GLT1D1: variants seen among roughly 807,000 people sequenced by gnomAD.
GLT1D1 encodes glycosyltransferase 1 domain-containing protein 1.
GLT1D1 carries 21 observed loss-of-function variants against 28.7 expected under a neutral mutation model. The observed-to-expected ratio is 0.73, with a 90% CI of 0.52 to 1.05. The LOEUF is 1.05. Among genes scored for constraint, GLT1D1 ranks in the 50% least tolerant of loss-of-function variants. The pLI is 0.00. For missense variants in GLT1D1, 343 were observed against 330.6 expected, an observed-to-expected ratio of 1.04 and a Z score of -0.29; for synonymous variants, 147 against 124.8, an observed-to-expected ratio of 1.18 and a Z score of -1.19.
chr12:128,857,709 C>G (rs1480428498), intron 1 of GLT1D1, among the ~76,000 whole-genome samples: 1 of 152,066 alleles, frequency 6.6e-6, no homozygotes, highest in African/African-American at 2.4e-5. Flanking sequence ...AAGGAGTTCC[C>G]CAAATACGTA....
chr12:128,974,498 T>C (rs1264539752), intron 7 of GLT1D1, among the ~76,000 whole-genome samples: 1 of 152,168 alleles, frequency 6.6e-6, no homozygotes, highest in Non-Finnish European at 1.5e-5. Flanking sequence ...ACAGCTGTCC[T>C]TTGACCAGCA....
intron 1 of GLT1D1, among the ~76,000 whole-genome samples, chr12:128,856,033 T>C (rs1397775285): frequency 6.6e-6 from 1 of 152,226 alleles, no homozygotes; most frequent in Non-Finnish European, 1.5e-5. Flanking sequence ...ATTACAGGCA[T>C]GAGCAACTTC....
rs1424417885 is a variant in GLT1D1, at chr12:128,881,574, A to G, written c.217+5512A>G. Among the ~76,000 whole-genome samples the G allele has an allele frequency of 2.1e-4, 23 of 109,272 alleles. No individual in the cohort carries two copies. In the East Asian group the frequency reaches 5.2e-3, roughly 25 times the overall value. 71.7% of individuals were successfully genotyped at this position (109,272 alleles called of 152,430 possible). Reference sequence around the variant, plus strand: ...AAAAAAAAAAAAAATATATATATATATATATATATATATATATATAAAATT... The same window carrying G: ...AAAAAAAAAAAAAATATATATATATGTATATATATATATATATATAAAATT... On this transcript the variant is annotated intron_variant, in intron 2 of 7. Coordinates refer to ENST00000281703, the MANE Select transcript of GLT1D1 (RefSeq NM_144669.3).
At chr12:128,908,511 C>T (rs1160271023) in intron 4 of GLT1D1, among the ~76,000 whole-genome samples, 2 of 149,088 alleles carry the variant, frequency 1.3e-5, no homozygotes, top group Admixed American at 6.8e-5. Context: ...TTCCATCCTT[C>T]CTTCTTTCTT....
intron 6 of GLT1D1, among the ~76,000 whole-genome samples, chr12:128,954,128 T>C (rs1877016009): frequency 6.6e-6 from 1 of 150,598 alleles, no homozygotes; most frequent in Non-Finnish European, 1.5e-5. Context: ...TTTTTGTTTT[T>C]GTTTTTGTTT....
chr12:128,919,992 C>CTCTCTCT (rs1566133496), intron 4 of GLT1D1, among the ~76,000 whole-genome samples: 6 of 22,000 alleles, frequency 2.7e-4, no homozygotes, highest in African/African-American at 1.0e-3. Flanking sequence ...TCTCTCTCTC[C>CTCTCTCT]CCCTCCATCT....
At chr12:128,913,917 A>G (rs1871816414) in intron 4 of GLT1D1, among the ~76,000 whole-genome samples, 1 of 152,224 alleles carries the variant, frequency 6.6e-6, no homozygotes, top group Non-Finnish European at 1.5e-5. Flanking sequence ...TTTAAGGGTT[A>G]CAGTGGAGTA....
At chr12:128,874,120 C>CTTCCTTTCTT (rs1555261630) in intron 1 of GLT1D1, among the ~76,000 whole-genome samples, 1 of 52,782 alleles carries the variant, frequency 1.9e-5, no homozygotes, top group African/African-American at 8.8e-5. Context: ...CTCTCTCTCT[C>CTTCCTTTCTT]TCTCTCTTTC....
At chr12:128,908,334 C>T (rs1833320317) in intron 4 of GLT1D1, among the ~76,000 whole-genome samples, 1 of 144,732 alleles carries the variant, frequency 6.9e-6, no homozygotes, top group Admixed American at 7.1e-5. Flanking sequence ...TTCTTTCTTT[C>T]TTTCTTTCTT....
intron 1 of GLT1D1, among the ~76,000 whole-genome samples, chr12:128,866,952 C>T (rs1438484479): frequency 1.3e-5 from 2 of 152,054 alleles, no homozygotes; most frequent in Non-Finnish European, 1.5e-5. Context: ...CGGGAACTCC[C>T]CTGCCCACCC....
At chr12:128,950,895 G>A (rs143074745) in intron 6 of GLT1D1, among the ~76,000 whole-genome samples, 101 of 152,266 alleles carry the variant, frequency 6.6e-4, no homozygotes, top group African/African-American at 2.3e-3. Flanking sequence ...TGTGGGGAGT[G>A]GGGAGATGTT....
intron 1 of GLT1D1, among the ~76,000 whole-genome samples, chr12:128,856,360 A>G (rs761563419): frequency 7.9e-5 from 12 of 152,138 alleles, no homozygotes; most frequent in Non-Finnish European, 1.2e-4. Flanking sequence ...ACCATCTGTG[A>G]TTGCAGCCCA....
At chr12:128,957,105 T>A (rs1225339060) in intron 6 of GLT1D1, among the ~76,000 whole-genome samples, 4 of 152,254 alleles carry the variant, frequency 2.6e-5, no homozygotes, top group Non-Finnish European at 5.9e-5. Flanking sequence ...ATTTTCCTTT[T>A]ACTTTTGTCT....
rs886702013 is a variant in GLT1D1, at chr12:128,893,205, A to G, written c.323+4461A>G. On this transcript the variant is annotated intron_variant, in intron 3 of 7. Coordinates refer to ENST00000281703, the MANE Select transcript of GLT1D1 (RefSeq NM_144669.3). ...GGTTGAAGTGAGCTGAGATCTCGCC[A>G]TTGCACTGCAGCCTGGGTGAAAGAG... 1.2e-4 allele frequency among the ~76,000 whole-genome samples: 19 copies of G among 152,326 alleles called. 1 individual carries two copies. The highest frequency in any genetic ancestry group is 6.8e-3 in the Middle Eastern group (2 of 294).
intron 3 of GLT1D1, among the ~76,000 whole-genome samples, chr12:128,898,620 A>C (rs879733470): frequency 4.6e-5 from 7 of 152,246 alleles, no homozygotes; most frequent in Non-Finnish European, 1.0e-4. Flanking sequence ...TTTGGTAAAA[A>C]TGGACGTTTT....
At chr12:128,952,268 G>A (rs1481548781) in intron 6 of GLT1D1, among the ~76,000 whole-genome samples, 3 of 151,822 alleles carry the variant, frequency 2.0e-5, no homozygotes, top group Admixed American at 6.6e-5. Flanking sequence ...AGTGGGTGGC[G>A]GGGATGTGCT....
Position 128,874,082 on chromosome 12 carries a change from TTCTTTCTTTCTTTCTTTC to T in GLT1D1, c.69-1828_69-1811del, listed in dbSNP as rs1180129987. 2.7e-4 allele frequency among the ~76,000 whole-genome samples: 4 copies of T among 14,778 alleles called. No individual in the cohort carries two copies. The Admixed American group carries it at 3.9e-3, about 14-fold the overall frequency. The allele number at this position is 14,778 out of a possible 152,430, so 9.7% of individuals were successfully genotyped here. ...CTCCTTTCTTTCTTTCTTTCTTTCT[TTCTTTCTTTCTTTCTTTC>T]TCTCTCTCTCTCTCTCTCTCTCTCT... On this transcript the variant is annotated intron_variant, in intron 1 of 7. Coordinates refer to ENST00000281703, the MANE Select transcript of GLT1D1 (RefSeq NM_144669.3).
chr12:128,896,687 C>T (rs376613016), intron 3 of GLT1D1, among the ~76,000 whole-genome samples: 3 of 151,438 alleles, frequency 2.0e-5, no homozygotes, highest in East Asian at 3.9e-4. Context: ...TCAAGCGGTC[C>T]CCCTGCCTCA....
chr12:128,875,969 G>A lies in GLT1D1; in HGVS notation c.124G>A (p.Glu42Lys), dbSNP rs947404760. The A allele has an allele frequency of 5.9e-5, 96 of 1,613,972 alleles. No individual in the cohort carries two copies. Among genetic ancestry groups the A allele is most frequent in the Non-Finnish European group, 7.9e-5 (93 of 1,179,980 alleles). Residue 42 changes from glutamate (E) to lysine (K), a missense_variant, in exon 2 of 8, where the codon GAA becomes AAA. By Grantham distance (56) the Glu-to-Lys change is moderately conservative. Transcript: ENST00000281703. ...CGTTTTGAAGGATGCCTTTGACTTTGAAAGCCGATCTGAGATTGCAAACCT... is the reference window on the plus strand; with the variant it reads ...CGTTTTGAAGGATGCCTTTGACTTTAAAAGCCGATCTGAGATTGCAAACCT...
Sources: gnomAD v4.1 joint callset for allele counts (sites outside exome capture counted in the v4.1 genomes callset) on GRCh38, gnomAD v4.1.1 for gene constraint, MANE v1.5 for transcripts, NCBI Gene and HGNC (gene_info 2026-07-23, HGNC 2026-07-21) for gene names.